RGS7BP: variants seen among roughly 807,000 people sequenced by gnomAD.
RGS7BP encodes regulator of G protein signaling 7-binding protein.
Under a neutral mutation model 31.3 loss-of-function variants are expected in RGS7BP, and 9 were observed. The observed-to-expected ratio is 0.29, with a 90% CI of 0.17 to 0.50. The LOEUF is 0.50. Among genes scored for constraint, RGS7BP ranks in the 20% least tolerant of loss-of-function variants. RGS7BP has a pLI of 0.98. For missense variants in RGS7BP, 274 were observed against 322.0 expected, an observed-to-expected ratio of 0.85 and a Z score of 1.14; for synonymous variants, 115 against 120.1, an observed-to-expected ratio of 0.96 and a Z score of 0.28.
rs964107603 is a variant in RGS7BP, at chr5:64,584,257, C to T, written c.463+8353C>T. On this transcript the variant is annotated intron_variant, in intron 3 of 5. Coordinates refer to ENST00000334025, the MANE Select transcript of RGS7BP (RefSeq NM_001029875.3). The stretch of plus-strand genomic sequence containing the variant: ...AATCCATTGTATATTTAGTTTCTTA[C>T]CAAAATAACACTAAGTTGGGAGAGG... 2.0e-5 allele frequency among the ~76,000 whole-genome samples: 3 copies of T among 152,044 alleles called. 1 individual carries two copies. The highest frequency in any genetic ancestry group is 4.1e-4 in the South Asian group (2 of 4,820).
chr5:64,543,118 G>A (rs763762088), intron 2 of RGS7BP, among the ~76,000 whole-genome samples: 2 of 152,180 alleles, frequency 1.3e-5, no homozygotes, highest in Non-Finnish European at 2.9e-5. Flanking sequence ...AAGAAAAATG[G>A]TGGAGTAATC....
Position 64,506,557 on chromosome 5 carries a change from G to T in RGS7BP, c.-68G>T. On this transcript the variant is annotated 5_prime_UTR_variant, in exon 1 of 6. Transcript: ENST00000334025. This position sits in a 1 kb window ranked among gnomAD's most constrained non-coding sequence, Gnocchi z 4.6. Reference sequence around the variant, plus strand: ...CCGGCTGCTTGGCGGCGGCGCCCAGGGCAACAACCGGGCCGCCCGCGCCGG... The same window carrying T: ...CCGGCTGCTTGGCGGCGGCGCCCAGTGCAACAACCGGGCCGCCCGCGCCGG... 6.9e-7 allele frequency: 1 copy of T among 1,456,972 alleles called. No homozygotes were observed. The allele number at this position is 1,456,972 out of a possible 1,614,324, so 90.3% of individuals were successfully genotyped here.
At chr5:64,549,054 C>A (rs1741727742) in intron 2 of RGS7BP, among the ~76,000 whole-genome samples, 1 of 152,064 alleles carries the variant, frequency 6.6e-6, no homozygotes, top group African/African-American at 2.4e-5. Flanking sequence ...CTCTGAAAGT[C>A]TTAACTCATT....
In RGS7BP at chr5:64,528,822, A is replaced by T. The variant is rs937391579; in HGVS notation, c.332+20945A>T. Among the ~76,000 whole-genome samples, 352 of 151,058 alleles carry T rather than the reference A, an allele frequency of 2.3e-3. 6 individuals carry two copies. Among genetic ancestry groups the T allele is most frequent in the African/African-American group, 7.8e-3 (321 of 41,256 alleles). ...CAAGACTCCATCTCAAAAAAAAAAA[A>T]AAAAAAAAAAAAAAAGTGGGAGGGA... is the stretch of plus-strand genomic sequence containing the variant. On this transcript the variant is annotated intron_variant, in intron 2 of 5. Transcript: ENST00000334025.
At chr5:64,527,371 T>G (rs1328980792) in intron 2 of RGS7BP, among the ~76,000 whole-genome samples, 1 of 152,142 alleles carries the variant, frequency 6.6e-6, no homozygotes, top group East Asian at 1.9e-4. Context: ...ACATGATATA[T>G]TTTTAAATCT....
At chr5:64,563,544 A>C (rs1358072028) in intron 2 of RGS7BP, among the ~76,000 whole-genome samples, 1 of 152,170 alleles carries the variant, frequency 6.6e-6, no homozygotes, top group Non-Finnish European at 1.5e-5. Context: ...TGATGCTTTT[A>C]TAAGCCAGAG....
At chr5:64,532,298 C>CT (rs76214343) in intron 2 of RGS7BP, among the ~76,000 whole-genome samples, 46,517 of 145,850 alleles carry the variant, frequency 0.32, 8,053 homozygotes, top group East Asian at 0.72. Flanking sequence ...TTGTAATATC[C>CT]TTTTTTTTTT....
intron 2 of RGS7BP, among the ~76,000 whole-genome samples, chr5:64,574,543 C>T (rs1265092233): frequency 3.9e-5 from 6 of 152,030 alleles, no homozygotes; most frequent in Admixed American, 3.3e-4. Context: ...TTTTGAGGTA[C>T]TTTATTCTGT....
chr5:64,584,864 C>T (rs1742700709), intron 3 of RGS7BP, among the ~76,000 whole-genome samples: 1 of 152,152 alleles, frequency 6.6e-6, no homozygotes, highest in Non-Finnish European at 1.5e-5. Flanking sequence ...GTGGAAAAAC[C>T]TTTGAAACTG....
intron 2 of RGS7BP, among the ~76,000 whole-genome samples, chr5:64,517,896 A>G (rs1749014813): frequency 6.6e-6 from 1 of 152,060 alleles, no homozygotes; most frequent in South Asian, 2.1e-4. Context: ...TCTACTTGAG[A>G]TTGAGACTCT....
At chr5:64,545,635 G>A (rs767497285) in intron 2 of RGS7BP, among the ~76,000 whole-genome samples, 21 of 152,202 alleles carry the variant, frequency 1.4e-4, no homozygotes, top group East Asian at 1.9e-4. Context: ...AGAAAGAACC[G>A]GAGGAAATTA....
Position 64,551,526 on chromosome 5 carries a change from TTG to T in RGS7BP, c.333-24242_333-24241del, listed in dbSNP as rs375444919. Among the ~76,000 whole-genome samples the T allele has an allele frequency of 2.3e-3, 356 of 151,864 alleles. 4 individuals are homozygous for T. The highest frequency in any genetic ancestry group is 3.7e-3 in the Non-Finnish European group (254 of 67,972). ...CATCAGCCGGCCTTAGCCTCCTAAA[TTG>T]TGTGTCTTAAGGATTTTTATGGGAG... On this transcript the variant is annotated intron_variant, in intron 2 of 5. Transcript: ENST00000334025.
chr5:64,551,270 T>A (rs1741788085), intron 2 of RGS7BP, among the ~76,000 whole-genome samples: 1 of 149,828 alleles, frequency 6.7e-6, no homozygotes, highest in African/African-American at 2.5e-5. Flanking sequence ...TTATTTTATT[T>A]TTTTTTTTTT....
intron 2 of RGS7BP, among the ~76,000 whole-genome samples, chr5:64,511,716 T>G (rs949434302): frequency 4.6e-5 from 7 of 152,222 alleles, no homozygotes; most frequent in Non-Finnish European, 1.0e-4. Flanking sequence ...TTAAGTGACT[T>G]TTGAGGCAAC....
intron 5 of RGS7BP, among the ~76,000 whole-genome samples, chr5:64,604,331 C>A (rs1418013281): frequency 6.6e-6 from 1 of 152,116 alleles, no homozygotes; most frequent in Middle Eastern, 3.4e-3. Context: ...GGAGGAATCT[C>A]CCCCCCTTCT....
chr5:64,548,050 T>C (rs1250587137), intron 2 of RGS7BP, among the ~76,000 whole-genome samples: 1 of 152,142 alleles, frequency 6.6e-6, no homozygotes, highest in East Asian at 1.9e-4. Context: ...GAAATAAATA[T>C]ATGACAATTC....
At chr5:64,513,841 T>C (rs1184891663) in intron 2 of RGS7BP, among the ~76,000 whole-genome samples, 1 of 152,248 alleles carries the variant, frequency 6.6e-6, no homozygotes, top group Non-Finnish European at 1.5e-5. Context: ...GCAAGTTATG[T>C]CTATACCAAA....
intron 4 of RGS7BP, 127 bp downstream of exon 4, chr5:64,594,984 C>A: frequency 2.0e-6 from 2 of 995,620 alleles, no homozygotes; most frequent in Non-Finnish European, 3.0e-6. Flanking sequence ...GCCAGAGGAG[C>A]ATAGTGCTGT....
At chr5:64,546,382 A>C (rs1223976884) in intron 2 of RGS7BP, among the ~76,000 whole-genome samples, 1 of 152,142 alleles carries the variant, frequency 6.6e-6, no homozygotes, top group Non-Finnish European at 1.5e-5. Flanking sequence ...GGAGTAAAAC[A>C]ACGAAAGACA....
Sources: gnomAD v4.1 joint callset for allele counts (sites outside exome capture counted in the v4.1 genomes callset) on GRCh38, gnomAD v4.1.1 for gene constraint, Gnocchi (gnomAD v3.1) non-coding constraint, MANE v1.5 for transcripts, NCBI Gene and HGNC (gene_info 2026-07-23, HGNC 2026-07-21) for gene names.